ANKRD17: variants seen among roughly 807,000 people sequenced by gnomAD.
The protein encoded by ANKRD17 is ankyrin repeat domain-containing protein 17.
Under a neutral mutation model 229.7 loss-of-function variants are expected in ANKRD17, and 19 were observed. The observed-to-expected ratio is 0.08, with a 90% CI of 0.06 to 0.12. The LOEUF is 0.12. ANKRD17 is among the 10% of genes least tolerant of loss of function. The pLI, the probability that ANKRD17 is intolerant of heterozygous loss-of-function variation, is 1.00. For missense variants in ANKRD17, 2,176 were observed against 3,176.8 expected (o/e 0.68, Z 7.57); for synonymous variants, 1,112 against 1,146.1 (o/e 0.97, Z 0.60).
At position 73,235,933 on chromosome 4, in the gene ANKRD17, A is replaced by C. The variant is rs561748632; in HGVS notation, c.393+22343T>G. Among the ~76,000 whole-genome samples, 22 of 152,040 alleles carry C rather than the reference A, an allele frequency of 1.4e-4. No homozygotes were observed. In the South Asian group the frequency reaches 4.6e-3, roughly 32 times the overall value. ...TTCCCAGGCTGGTTTCGAACTCCTG[A>C]GCTCATGCAATCCTCTTGCCTCAGC... On this transcript the variant is annotated intron_variant, in intron 1 of 33. Transcript: ENST00000358602.
chr4:73,235,964 A>AC (rs1325221940), intron 1 of ANKRD17, among the ~76,000 whole-genome samples: 1 of 151,974 alleles, frequency 6.6e-6, no homozygotes, highest in Non-Finnish European at 1.5e-5. Flanking sequence ...TCAGCCTCCC[A>AC]AAGTACTGGG....
intron 16 of ANKRD17, 98 bp from the exon 17 acceptor site, chr4:73,125,410 T>C (rs980746373): frequency 1.4e-5 from 12 of 873,972 alleles, no homozygotes; most frequent in Non-Finnish European, 2.0e-5. Flanking sequence ...CAAATACATA[T>C]GTACCACTCT....
chr4:73,174,549 T>A (rs1430633968), intron 2 of ANKRD17, among the ~76,000 whole-genome samples: 1 of 152,086 alleles, frequency 6.6e-6, no homozygotes, highest in East Asian at 1.9e-4. Flanking sequence ...CTTTCACTAT[T>A]TCTATTCAAC....
chr4:73,141,443 C>T (rs1394974822), intron 14 of ANKRD17, among the ~76,000 whole-genome samples: 1 of 152,118 alleles, frequency 6.6e-6, no homozygotes, highest in Non-Finnish European at 1.5e-5. Context: ...AAAAATATTG[C>T]TCAACTATAC....
At chr4:73,200,568 C>T (rs1304123208) in intron 1 of ANKRD17, among the ~76,000 whole-genome samples, 1 of 152,010 alleles carries the variant, frequency 6.6e-6, no homozygotes, top group Non-Finnish European at 1.5e-5. Context: ...GGTTAAACCA[C>T]TGCTTAAAAG....
intron 30 of ANKRD17, among the ~76,000 whole-genome samples, chr4:73,080,374 T>C (rs964884374): frequency 9.5e-4 from 145 of 152,236 alleles, no homozygotes; most frequent in African/African-American, 3.4e-3. Context: ...AACAGCATAA[T>C]TCAGAATTAG....
At chr4:73,238,759 T>C (rs1743746291) in intron 1 of ANKRD17, among the ~76,000 whole-genome samples, 1 of 152,066 alleles carries the variant, frequency 6.6e-6, no homozygotes, top group Non-Finnish European at 1.5e-5. Flanking sequence ...TCTTGAGCAA[T>C]TACTAGGGAG....
At position 73,100,800 on chromosome 4, in the gene ANKRD17, A is replaced by G. The variant is rs912227015; in HGVS notation, c.4573+1576T>C. 3.1e-6 allele frequency: 3 copies of G among 974,202 alleles called. No individual in the cohort carries two copies. In the African/African-American group the frequency reaches 5.3e-5, roughly 17 times the overall value. 60.3% of individuals were successfully genotyped at this position (974,202 alleles called of 1,614,324 possible). A position where few individuals can be genotyped will look rare whatever the true frequency, so the allele number is the denominator to read the frequency against. On this transcript the variant is annotated intron_variant, in intron 25 of 33. Transcript: ENST00000358602. ...CTGTAGTTTGAAAATTTTCAAAATAAAATGCTGGAGAAGGGAAATTAAAAA... is the reference window on the plus strand; with the variant it reads ...CTGTAGTTTGAAAATTTTCAAAATAGAATGCTGGAGAAGGGAAATTAAAAA...
In ANKRD17 at chr4:73,073,631, A is replaced by C. The variant is rs1219526284; in HGVS notation, c.*2600T>G. ...AATGACTATACGTAGTCATTTACAA[A>C]AAAATTAATTTTCATGTATCAATAA... On this transcript the variant is annotated 3_prime_UTR_variant, in exon 34 of 34. Coordinates refer to ENST00000358602, the MANE Select transcript of ANKRD17 (RefSeq NM_032217.5). The C allele has an allele frequency of 6.6e-6, 1 of 152,060 alleles. No individual in the cohort carries two copies. Among genetic ancestry groups the C allele is most frequent in the African/African-American group, 2.4e-5 (1 of 41,450 alleles). The allele number at this position is 152,060 out of a possible 1,614,324, so 9.4% of individuals were successfully genotyped here. A position where few individuals can be genotyped will look rare whatever the true frequency, so the allele number is the denominator to read the frequency against.
rs778941386 is a variant in ANKRD17, at chr4:73,135,224, G to A, written c.3127C>T (p.His1043Tyr). 4 of 1,613,454 alleles carry A rather than the reference G, an allele frequency of 2.5e-6. No individual in the cohort carries two copies. The African/African-American group carries it at 4.0e-5, about 16-fold the overall frequency. The part of the protein sequence containing the change: ...RASAMSNTPT[H>Y]SIAASISQPQ... Reference sequence around the variant, plus strand: ...TGGGAAATGGATGCAGCAATACTGTGGGTAGGAGTGTTTGACATTGCAGAT... The same window carrying A: ...TGGGAAATGGATGCAGCAATACTGTAGGTAGGAGTGTTTGACATTGCAGAT... Residue 1043 changes from histidine to tyrosine, a missense_variant, in exon 16 of 34, where the codon CAC (histidine) becomes TAC (tyrosine). Coordinates refer to ENST00000358602, the MANE Select transcript of ANKRD17 (RefSeq NM_032217.5).
At chr4:73,171,178 G>GGAGAGAGAAA (rs1733954155) in intron 2 of ANKRD17, among the ~76,000 whole-genome samples, 2 of 104,446 alleles carry the variant, frequency 1.9e-5, no homozygotes, top group African/African-American at 4.0e-5. Flanking sequence ...CTCAGAGGGG[G>GGAGAGAGAAA]GAGAGAGAGA....
chr4:73,213,553 T>C (rs553342937), intron 1 of ANKRD17, among the ~76,000 whole-genome samples: 1 of 152,246 alleles, frequency 6.6e-6, no homozygotes, highest in Non-Finnish European at 1.5e-5. Context: ...AATTTTATGG[T>C]GGTGGGAAGA....
chr4:73,118,548 C>A (rs1395638939), intron 22 of ANKRD17, 140 bp downstream of exon 22: 11 of 918,246 alleles, frequency 1.2e-5, no homozygotes, highest in Admixed American at 2.4e-5. Context: ...TTTAATGTTG[C>A]CATAAGAGTA....
At chr4:73,245,101 G>A (rs1182579091) in intron 1 of ANKRD17, among the ~76,000 whole-genome samples, 3 of 152,152 alleles carry the variant, frequency 2.0e-5, no homozygotes, top group South Asian at 2.1e-4. Flanking sequence ...TCCCAGGATG[G>A]AAAAGGCAGC....
chr4:73,172,835 A>G (rs568742479), intron 2 of ANKRD17, among the ~76,000 whole-genome samples: 2 of 152,252 alleles, frequency 1.3e-5, no homozygotes, highest in Non-Finnish European at 2.9e-5. Context: ...ATAAAAAGCA[A>G]GAAATTAAAA....
In ANKRD17 at chr4:73,092,025, T is replaced by A. The variant is rs1326801127; in HGVS notation, c.5603A>T (p.Asn1868Ile). Reference protein sequence around the residue: ...SSASTHKTIKNPVNNVRPGFP... With the variant: ...SSASTHKTIKIPVNNVRPGFP... ...ACCAGGCCTCACATTATTCACTGGG[T>A]TCTTAATGGTTTTGTGAGTGGATGC... The change falls in exon 29 of 34, where the codon AAC becomes ATC. Residue 1868 changes from asparagine to isoleucine, a missense_variant. This residue lies in a region of ANKRD17 where 142 missense variants were observed against 200.4 expected (regional missense o/e 0.71). Transcript: ENST00000358602. 1 of 1,614,022 alleles carries A rather than the reference T, an allele frequency of 6.2e-7. No homozygotes were observed. The highest frequency in any genetic ancestry group is 8.5e-7 in the Non-Finnish European group (1 of 1,180,026).
rs1022018265 is a variant in ANKRD17 at position 73,073,614 on chromosome 4, T to C, written c.*2617A>G. The C allele has an allele frequency of 2.0e-5, 3 of 152,022 alleles. No individual in the cohort carries two copies. The highest frequency in any genetic ancestry group is 4.4e-5 in the Non-Finnish European group (3 of 67,884). The allele number at this position is 152,022 out of a possible 1,614,324, so 9.4% of individuals were successfully genotyped here. ...CTTTTCCAAAGGAGAAAAATGACTA[T>C]ACGTAGTCATTTACAAAAAAATTAA... On this transcript the variant is annotated 3_prime_UTR_variant, in exon 34 of 34. Coordinates refer to ENST00000358602, the MANE Select transcript of ANKRD17 (RefSeq NM_032217.5).
intron 1 of ANKRD17, among the ~76,000 whole-genome samples, chr4:73,194,293 G>C (rs935276503): frequency 1.3e-5 from 2 of 152,144 alleles, no homozygotes; most frequent in African/African-American, 4.8e-5. Context: ...CAAGGAATAG[G>C]TTGAAGTTCC....
rs187912403 is a variant in ANKRD17, at chr4:73,146,003, C to T, written c.1869+761G>A. 2.2e-4 allele frequency among the ~76,000 whole-genome samples: 33 copies of T among 152,126 alleles called. No homozygotes were observed. The South Asian group carries it at 3.7e-3, about 17-fold the overall frequency. On this transcript the variant is annotated intron_variant, in intron 10 of 33. Transcript: ENST00000358602. ...TCTCGGGGCCATAAATATATGGGTG[C>T]TTACATTTTAACTAAAATGGGCCTT...
Sources: allele counts gnomAD v4.1 joint callset (sites outside exome capture counted in the v4.1 genomes callset), GRCh38; gene constraint gnomAD v4.1.1; regional missense constraint gnomAD v4.1.1; transcripts MANE v1.5; gene names NCBI Gene and HGNC (gene_info 2026-07-23, HGNC 2026-07-21).